The following DNMBP variants were observed in gnomAD, a reference collection of about 807,000 sequenced individuals.
DNMBP encodes the protein dynamin-binding protein.
A neutral mutation model predicts 150.0 loss-of-function variants in DNMBP; 87 were observed. The ratio of observed to expected loss-of-function variants is 0.58; its 90% CI spans 0.49 to 0.69. The LOEUF (loss-of-function observed/expected upper bound fraction) is 0.69. Among genes scored for constraint, DNMBP ranks in the 30% least tolerant of loss-of-function variants. The probability of loss-of-function intolerance (pLI) is 0.00; values close to 1 mark genes in which losing one functional copy is unlikely to be tolerated. For missense variants in DNMBP, 1,774 were observed against 1,949.0 expected, an observed-to-expected ratio of 0.91 and a Z score of 1.69; for synonymous variants, 711 against 750.4, an observed-to-expected ratio of 0.95 and a Z score of 0.86.
chr10:99,944,053 C>A (rs2040331008), intron 4 of DNMBP, among the ~76,000 whole-genome samples: 1 of 152,140 alleles, frequency 6.6e-6, no homozygotes, highest in African/African-American at 2.4e-5. Context: ...AGTTGAGGAG[C>A]AAGGTTCCTG....
intron 15 of DNMBP, among the ~76,000 whole-genome samples, chr10:99,882,569 G>A (rs1485039388): frequency 6.6e-6 from 1 of 152,104 alleles, no homozygotes; most frequent in East Asian, 1.9e-4. Context: ...GGGTGACAAA[G>A]CTAGACCCTA....
At chr10:99,928,791 A>C (rs1043537075) in intron 4 of DNMBP, among the ~76,000 whole-genome samples, 1 of 151,994 alleles carries the variant, frequency 6.6e-6, no homozygotes, top group African/African-American at 2.4e-5. Context: ...AATCAGGGCT[A>C]CTCTGGGCAC....
At chr10:99,967,343 T>G (rs2040629497) in intron 3 of DNMBP, among the ~76,000 whole-genome samples, 1 of 152,098 alleles carries the variant, frequency 6.6e-6, no homozygotes, top group Non-Finnish European at 1.5e-5. Flanking sequence ...CTGACCAAGA[T>G]GGTGAAACCC....
At chr10:99,989,173 A>G (rs2133374791) in intron 1 of DNMBP, among the ~76,000 whole-genome samples, 3 of 152,380 alleles carry the variant, frequency 2.0e-5, no homozygotes, top group Middle Eastern at 6.8e-3. Flanking sequence ...GTATACAAAT[A>G]TAGAATTGCA....
At chr10:99,954,574 A>G (rs1160056162) in intron 4 of DNMBP, among the ~76,000 whole-genome samples, 1 of 151,060 alleles carries the variant, frequency 6.6e-6, no homozygotes, top group Non-Finnish European at 1.5e-5. Flanking sequence ...GAGAATTCCC[A>G]TCTCTACTAA....
At chr10:99,998,347 GT>G (rs1329950552) in intron 1 of DNMBP, among the ~76,000 whole-genome samples, 1 of 152,098 alleles carries the variant, frequency 6.6e-6, no homozygotes, top group East Asian at 1.9e-4. Context: ...GGAGGCTGAG[GT>G]GGGTGGATTG....
intron 4 of DNMBP, among the ~76,000 whole-genome samples, chr10:99,912,115 C>G (rs1317044167): frequency 6.6e-6 from 1 of 152,100 alleles, no homozygotes; most frequent in East Asian, 1.9e-4. Context: ...AAAATCCAGG[C>G]TTGGAGAGGC....
intron 4 of DNMBP, among the ~76,000 whole-genome samples, chr10:99,942,407 G>C (rs2040310345): frequency 6.6e-6 from 1 of 152,196 alleles, no homozygotes; most frequent in Non-Finnish European, 1.5e-5. Context: ...ACTGATGACT[G>C]TCCTGTCTTT....
At chr10:99,939,620 A>C (rs1160003935) in intron 4 of DNMBP, among the ~76,000 whole-genome samples, 1 of 152,248 alleles carries the variant, frequency 6.6e-6, no homozygotes, top group Non-Finnish European at 1.5e-5. Flanking sequence ...CCACTTTCTA[A>C]AACTAAACCA....
At position 99,993,500 on chromosome 10, in the gene DNMBP, C is replaced by T. The variant is rs148969962; in HGVS notation, c.-11+16338G>A. Among the ~76,000 whole-genome samples the T allele has an allele frequency of 8.3e-3, 1,257 of 152,274 alleles. 19 individuals carry two copies. The highest frequency in any genetic ancestry group is 0.044 in the Middle Eastern group (13 of 294). ...TCCTCTTTCCGAAATCTCTATACTT[C>T]ACACAAAATAGTGAAGGCAGGCCAG... On this transcript the variant is annotated intron_variant, in intron 1 of 16. Coordinates refer to ENST00000324109, the MANE Select transcript of DNMBP (RefSeq NM_015221.4).
intron 6 of DNMBP, among the ~76,000 whole-genome samples, chr10:99,907,410 T>C (rs2039840228): frequency 6.6e-6 from 1 of 151,910 alleles, no homozygotes. Context: ...TTTTTTTTTT[T>C]CTTGAGACCA....
At chr10:99,957,364 G>T in intron 3 of DNMBP, 159 bp from the exon 4 acceptor site, 1 of 693,480 alleles carries the variant, frequency 1.4e-6, no homozygotes, top group South Asian at 1.9e-5. Context: ...TATTGAATTG[G>T]AGCAGTTCTA....
intron 11 of DNMBP, chr10:99,889,164 A>T (rs902775429): frequency 5.8e-6 from 3 of 517,252 alleles, no homozygotes; most frequent in Non-Finnish European, 1.0e-5. Flanking sequence ...AATTCTTAAC[A>T]AAACTGTTGA....
rs71009800 is a variant in DNMBP, at chr10:100,001,233, T to TAA, written c.-11+8603_-11+8604dup. Among the ~76,000 whole-genome samples the TAA allele has an allele frequency of 9.2e-4, 20 of 21,732 alleles. 3 individuals carry two copies. Among genetic ancestry groups the TAA allele is most frequent in the Non-Finnish European group, 1.5e-3 (15 of 9,860 alleles). The allele number at this position is 21,732 out of a possible 152,430, so 14.3% of individuals were successfully genotyped here. On this transcript the variant is annotated intron_variant, in intron 1 of 16. Coordinates refer to ENST00000324109, the MANE Select transcript of DNMBP (RefSeq NM_015221.4). ...AGGACAGAGCAAGACTCCGTCTCATTAAAAAAAAAAAAAAAAAAAAAAAAA... is the reference window on the plus strand; with the variant it reads ...AGGACAGAGCAAGACTCCGTCTCATTAAAAAAAAAAAAAAAAAAAAAAAAAAA...
chr10:99,948,965 AAAATAAAT>A (rs55754467), intron 4 of DNMBP, among the ~76,000 whole-genome samples: 5,764 of 137,184 alleles, frequency 0.042, 169 homozygotes, highest in Non-Finnish European at 0.052. Flanking sequence ...CTCCATCTCA[AAAATAAAT>A]AAATAAATAA....
chr10:99,939,234 GC>G (rs1305244278), intron 4 of DNMBP, among the ~76,000 whole-genome samples: 1 of 152,054 alleles, frequency 6.6e-6, no homozygotes, highest in Non-Finnish European at 1.5e-5. Context: ...CTAGGACTCT[GC>G]CCAGTGACAT....
At chr10:99,967,729 A>C (rs954102692) in intron 3 of DNMBP, among the ~76,000 whole-genome samples, 1 of 151,518 alleles carries the variant, frequency 6.6e-6, no homozygotes, top group Non-Finnish European at 1.5e-5. Context: ...TAAGAAATGA[A>C]GCCTGTCCCT....
At position 99,886,280 on chromosome 10, in the gene DNMBP, TG is replaced by T. The variant is rs758733203; in HGVS notation, c.3618+19del. On this transcript the variant is annotated intron_variant, in intron 13 of 16. Coordinates refer to ENST00000324109, the MANE Select transcript of DNMBP (RefSeq NM_015221.4). The stretch of plus-strand genomic sequence containing the variant: ...CAAAGGCTATAGATGACCATCCCAC[TG>T]AACAGGTAAGAAACTCACCGAAAGC... 2 of 1,594,370 alleles carry T rather than the reference TG, an allele frequency of 1.3e-6. No homozygotes were observed. Among genetic ancestry groups the T allele is most frequent in the East Asian group, 2.2e-5 (1 of 44,542 alleles).
At chr10:99,938,569 G>GT (rs2133300377) in intron 4 of DNMBP, among the ~76,000 whole-genome samples, 1 of 152,192 alleles carries the variant, frequency 6.6e-6, no homozygotes, top group South Asian at 2.1e-4. Flanking sequence ...AGAAATTATA[G>GT]TTGGGCAAGT....
Sources: allele counts gnomAD v4.1 joint callset (sites outside exome capture counted in the v4.1 genomes callset), GRCh38; gene constraint gnomAD v4.1.1; transcripts MANE v1.5; gene names NCBI Gene and HGNC (gene_info 2026-07-23, HGNC 2026-07-21).